COL11A2: variants seen among roughly 807,000 people sequenced by gnomAD.
COL11A2 encodes collagen type XI alpha 2 chain, also known as collagen alpha-2(XI) chain.
COL11A2 carries 116 observed loss-of-function variants against 273.4 expected under a neutral mutation model. The observed-to-expected ratio is 0.42, with a 90% CI of 0.36 to 0.49. COL11A2 has a LOEUF of 0.49. COL11A2 is among the 20% of genes least tolerant of loss of function. The probability of loss-of-function intolerance (pLI) is 0.00; values close to 1 mark genes in which losing one functional copy is unlikely to be tolerated. For missense variants in COL11A2, 1,866 were observed against 2,309.0 expected, an observed-to-expected ratio of 0.81 and a Z score of 3.93; for synonymous variants, 782 against 864.2, an observed-to-expected ratio of 0.90 and a Z score of 1.67.
intron 1 of COL11A2, 38 bp downstream of exon 1, chr6:33,192,121 C>G (rs1287727799): frequency 6.5e-7 from 1 of 1,538,936 alleles, no homozygotes; most frequent in Non-Finnish European, 8.8e-7. Flanking sequence ...AGAGCTCCAG[C>G]CTGACTCCGA....
rs2150604810 is a variant in COL11A2, at chr6:33,185,040, A to G, written c.891T>C (p.Gly297=). Residue 297 remains glycine, a synonymous_variant, in exon 7 of 66, where the codon GGT becomes GGC. Coordinates refer to ENST00000341947, the MANE Select transcript of COL11A2 (RefSeq NM_080680.3). ...TTPDYQDPTP[G]EEEEILESSL... ...TCGACTCCAGGATTTCTTCCTCTTC[A>G]CCTGGGGTGGGGTCCTGACCCCAAG... 6.4e-7 allele frequency: 1 copy of G among 1,551,234 alleles called. No homozygotes were observed. The highest frequency in any genetic ancestry group is 8.7e-7 in the Non-Finnish European group (1 of 1,146,738).
chr6:33,176,742 G>A lies in COL11A2; in HGVS notation c.2094C>T (p.Pro698=). 6.2e-7 allele frequency: 1 copy of A among 1,613,218 alleles called. No homozygotes were observed. The highest frequency in any genetic ancestry group is 1.1e-5 in the South Asian group (1 of 90,874). ...GPPGHPGKEG[P]PGTKGNQGPS... ...TCACCTGGTTTCCTTTGGTTCCAGG[G>A]GGACCTTCCTTCCCTGGGTGACCCT... Residue 698 remains proline (P), a synonymous_variant, in exon 26 of 66, where the codon CCC becomes CCT. Transcript: ENST00000341947. The surrounding 1 kb of genome is among the most constrained non-coding windows in gnomAD (Gnocchi z 4.9).
rs373989427 is a variant in COL11A2 at position 33,177,199 on chromosome 6, G to A, written c.1998C>T (p.Ile666=). The A allele has an allele frequency of 6.0e-5, 97 of 1,613,008 alleles. No homozygotes were observed. The African/African-American group carries it at 8.8e-4, about 15-fold the overall frequency. Residue 666 remains isoleucine (I), a synonymous_variant, in exon 24 of 66, where the codon ATC becomes ATT. Transcript: ENST00000341947. This position sits in a 1 kb window ranked among gnomAD's most constrained non-coding sequence, Gnocchi z 5.9. ...CACTTACCTTCTCTCCATGAGGGCCGATGGCACCCTGGGGCCCGGGAAGAC... is the reference window on the plus strand; with the variant it reads ...CACTTACCTTCTCTCCATGAGGGCCAATGGCACCCTGGGGCCCGGGAAGAC... The part of the protein sequence containing the change: ...TQGLPGPQGA[I]GPHGEKGPQG...
rs1394465881 is a variant in COL11A2, at chr6:33,189,917, G to A, written c.83-448C>T. Among the ~76,000 whole-genome samples, 3 of 151,376 alleles carry A rather than the reference G, an allele frequency of 2.0e-5. No individual in the cohort carries two copies. Among genetic ancestry groups the A allele is most frequent in the Non-Finnish European group, 4.4e-5 (3 of 67,904 alleles). On this transcript the variant is annotated intron_variant, in intron 1 of 65. Coordinates refer to ENST00000341947, the MANE Select transcript of COL11A2 (RefSeq NM_080680.3). The surrounding 1 kb of genome is among the most constrained non-coding windows in gnomAD (Gnocchi z 5.6). ...TTCTGTCCATCTTTTTCTCTCCCTCGCTCTCACTCTCTTTCCATATCTCTC... is the reference window on the plus strand; with the variant it reads ...TTCTGTCCATCTTTTTCTCTCCCTCACTCTCACTCTCTTTCCATATCTCTC...
Position 33,172,620 on chromosome 6 carries a change from G to A in COL11A2, c.2808C>T (p.Thr936=), listed in dbSNP as rs775487504. ...VVGPQGAAGE[T]GPMGERGHPG... ...GGTGACCTCTCTCCCCCATAGGGCC[G>A]GTTTCTCCTGCTGCTCCCTAGACAA... The change falls in exon 39 of 66, where the codon ACC becomes ACT. Residue 936 remains threonine, a synonymous_variant. Coordinates refer to ENST00000341947, the MANE Select transcript of COL11A2 (RefSeq NM_080680.3). 10 of 1,612,152 alleles carry A rather than the reference G, an allele frequency of 6.2e-6. No homozygotes were observed. The highest frequency in any genetic ancestry group is 4.0e-5 in the African/African-American group (3 of 74,828).
chr6:33,167,257 C>A lies in COL11A2; in HGVS notation c.4176+7G>T, dbSNP rs1297250564. On this transcript the variant is annotated splice_region_variant and intron_variant, in intron 57 of 65. Transcript: ENST00000341947. This position sits in a 1 kb window ranked among gnomAD's most constrained non-coding sequence, Gnocchi z 6.1. ...ACCCCTCACTCAGCCCAATCCCAGT[C>A]ACTCACCACAGGACCTGGGGGCCCA... is the stretch of plus-strand genomic sequence containing the variant. 3.1e-6 allele frequency: 5 copies of A among 1,614,134 alleles called. No individual in the cohort carries two copies. The South Asian group carries it at 4.4e-5, about 14-fold the overall frequency.
At chr6:33,185,671 G>A (rs763765397) in intron 6 of COL11A2, 30 bp downstream of exon 6, 27 of 1,191,796 alleles carry the variant, frequency 2.3e-5, no homozygotes, top group Non-Finnish European at 3.1e-5. Flanking sequence ...TGGGAGAAAG[G>A]GAAGAAATGA....
Position 33,177,825 on chromosome 6 carries a change from G to A in COL11A2, c.1873-119C>T. 1.8e-6 allele frequency: 2 copies of A among 1,121,390 alleles called. No individual in the cohort carries two copies. The highest frequency in any genetic ancestry group is 2.7e-6 in the Non-Finnish European group (2 of 749,960). The allele number at this position is 1,121,390 out of a possible 1,614,324, so 69.5% of individuals were successfully genotyped here. On this transcript the variant is annotated intron_variant, in intron 21 of 65. Coordinates refer to ENST00000341947, the MANE Select transcript of COL11A2 (RefSeq NM_080680.3). The surrounding 1 kb of genome is among the most constrained non-coding windows in gnomAD (Gnocchi z 5.9). ...GACCTCCAATCCATCCCAAACCCAA[G>A]CAAACACAGCTGGCCCAGGCCTGCA...
Position 33,168,630 on chromosome 6 carries a change from A to AG in COL11A2, c.3907-59dup, listed in dbSNP as rs1769546295. ...TTATCCTCCAGCCAAGGGACCCCTCAGGAGTGGGGCACAGAAGAGGGGTAA... is the reference window on the plus strand; with the variant it reads ...TTATCCTCCAGCCAAGGGACCCCTCAGGGAGTGGGGCACAGAAGAGGGGTAA... On this transcript the variant is annotated intron_variant, in intron 53 of 65. Transcript: ENST00000341947. The AG allele has an allele frequency of 1.9e-6, 3 of 1,605,042 alleles. No homozygotes were observed. In the South Asian group the frequency reaches 3.3e-5, roughly 18 times the overall value.
chr6:33,164,945 G>A lies in COL11A2; in HGVS notation c.4770C>T (p.Pro1590=), dbSNP rs747153577. ...ELPDGEYWVD[P]NQGCARDAFR... is the part of the protein sequence containing the mutation. ...AGGCATCCCGAGCACAGCCCTGGTT[G>A]GGGTCGACCCAGTACTCTCCTGTTG... Residue 1590 remains proline (P), a synonymous_variant, in exon 64 of 66, where the codon CCC becomes CCT. Transcript: ENST00000341947. The surrounding 1 kb of genome is among the most constrained non-coding windows in gnomAD (Gnocchi z 4.7). The A allele has an allele frequency of 4.0e-5, 63 of 1,576,968 alleles. No individual in the cohort carries two copies. In the South Asian group the frequency reaches 6.9e-4, roughly 17 times the overall value.
At chr6:33,186,472 A>G (rs1772432531) in intron 5 of COL11A2, 155 bp downstream of exon 5, 2 of 1,470,476 alleles carry the variant, frequency 1.4e-6, no homozygotes, top group Non-Finnish European at 1.8e-6. Context: ...TTTTATTTTT[A>G]GATGAAAATA....
chr6:33,188,233 G>A (rs1170138161), intron 4 of COL11A2, 129 bp downstream of exon 4: 18 of 1,143,922 alleles, frequency 1.6e-5, no homozygotes, highest in Non-Finnish European at 2.1e-5. Flanking sequence ...ATAGAAAATA[G>A]AAATGAAAAT....
At position 33,177,773 on chromosome 6, in the gene COL11A2, C is replaced by CG; in HGVS notation, c.1873-68dup. On this transcript the variant is annotated intron_variant, in intron 21 of 65. Coordinates refer to ENST00000341947, the MANE Select transcript of COL11A2 (RefSeq NM_080680.3). The surrounding 1 kb of genome is among the most constrained non-coding windows in gnomAD (Gnocchi z 5.9). ...GAGGGACCTGTGGTTTTCAGAGGCC[C>CG]GGCCATTCCCGAGGGTGTGACGGTC... 6.4e-7 allele frequency: 1 copy of CG among 1,560,380 alleles called. No individual in the cohort carries two copies.
chr6:33,176,906 T>C lies in COL11A2; in HGVS notation c.2070+86A>G. 1 of 1,534,874 alleles carries C rather than the reference T, an allele frequency of 6.5e-7. No homozygotes were observed. Among genetic ancestry groups the C allele is most frequent in the Non-Finnish European group, 8.9e-7 (1 of 1,123,656 alleles). ...ACAAGCACCACCAGTGACCTTTCAG[T>C]GCAAGGGTCACTAAAGGAGCTCTGA... On this transcript the variant is annotated intron_variant, in intron 25 of 65. Transcript: ENST00000341947. This position sits in a 1 kb window ranked among gnomAD's most constrained non-coding sequence, Gnocchi z 4.9.
chr6:33,192,241 G>C lies in COL11A2; in HGVS notation c.-1C>G, dbSNP rs1237273497. On this transcript the variant is annotated 5_prime_UTR_variant, in exon 1 of 66. Transcript: ENST00000341947. Reference sequence around the variant, plus strand: ...GATGGCAGCGGCTGCACCGCTCCATGGCTGAGAAGCCGAAACGCCGGGTCC... The same window carrying C: ...GATGGCAGCGGCTGCACCGCTCCATCGCTGAGAAGCCGAAACGCCGGGTCC... The C allele has an allele frequency of 2.6e-6, 4 of 1,557,388 alleles. No homozygotes were observed. In the Admixed American group the frequency reaches 5.8e-5, roughly 23 times the overall value.
At position 33,179,153 on chromosome 6, in the gene COL11A2, T is replaced by C. The variant is rs376548874; in HGVS notation, c.1558-27A>G. The C allele has an allele frequency of 6.2e-7, 1 of 1,612,160 alleles. No homozygotes were observed. Among genetic ancestry groups the C allele is most frequent in the Non-Finnish European group, 8.5e-7 (1 of 1,179,238 alleles). ...TGGTGAGAGGAGAGATGGGGTGGGG[T>C]TAGGAGGCATAGGGAGGGGAGTGAG... On this transcript the variant is annotated intron_variant, in intron 15 of 65. Transcript: ENST00000341947. This position sits in a 1 kb window ranked among gnomAD's most constrained non-coding sequence, Gnocchi z 6.4.
At position 33,184,974 on chromosome 6, in the gene COL11A2, G is replaced by A; in HGVS notation, c.939+18C>T. 6.5e-7 allele frequency: 1 copy of A among 1,549,216 alleles called. No individual in the cohort carries two copies. The highest frequency in any genetic ancestry group is 8.7e-7 in the Non-Finnish European group (1 of 1,144,992). ...GCCCACTGCCCCCAGATGGGGTGAG[G>A]GTGGGGCATAGAGTTACCTCCTCAA... On this transcript the variant is annotated intron_variant, in intron 7 of 65. Coordinates refer to ENST00000341947, the MANE Select transcript of COL11A2 (RefSeq NM_080680.3).
rs755981662 is a variant in COL11A2 at position 33,167,214 on chromosome 6, T to C, written c.4176+50A>G. The stretch of plus-strand genomic sequence containing the variant: ...CACTTCCTCCAGGGCTTCAGCTCTG[T>C]CCCAGGGCACTGCCCTCACCCCTCA... On this transcript the variant is annotated intron_variant, in intron 57 of 65. Transcript: ENST00000341947. The surrounding 1 kb of genome is among the most constrained non-coding windows in gnomAD (Gnocchi z 6.1). 1.9e-5 allele frequency: 31 copies of C among 1,613,474 alleles called. 1 individual carries two copies. In the South Asian group the frequency reaches 3.4e-4, roughly 18 times the overall value.
In COL11A2 at chr6:33,178,549, A is replaced by C; in HGVS notation, c.1720-61T>G. ...AGCCCCCAACACAGGCAGACACCGA[A>C]CCTCTGCACTTAGCCCATCCATTAC... On this transcript the variant is annotated intron_variant, in intron 18 of 65. Transcript: ENST00000341947. The surrounding 1 kb of genome is among the most constrained non-coding windows in gnomAD (Gnocchi z 4.6). 4 of 1,610,276 alleles carry C rather than the reference A, an allele frequency of 2.5e-6. No individual in the cohort carries two copies. The highest frequency in any genetic ancestry group is 2.2e-5 in the South Asian group (2 of 91,042).
Sources: allele counts gnomAD v4.1 joint callset (sites outside exome capture counted in the v4.1 genomes callset), GRCh38; gene constraint gnomAD v4.1.1; non-coding constraint Gnocchi (gnomAD v3.1); transcripts MANE v1.5; gene names NCBI Gene and HGNC (gene_info 2026-07-23, HGNC 2026-07-21).